The following KIF2A variants were observed in gnomAD, a reference collection of about 807,000 sequenced individuals.
The protein encoded by KIF2A is kinesin family member 2A, also known as kinesin-like protein KIF2A.
A neutral mutation model predicts 100.2 loss-of-function variants in KIF2A; 22 were observed. The observed-to-expected ratio is 0.22, with a 90% CI of 0.16 to 0.31. KIF2A has a LOEUF of 0.31. KIF2A is among the 10% of genes least tolerant of loss of function. KIF2A has a pLI of 1.00. For synonymous variants in KIF2A, 268 were observed against 285.9 expected, an observed-to-expected ratio of 0.94 and a Z score of 0.63; for missense variants, 495 against 898.7, an observed-to-expected ratio of 0.55 and a Z score of 5.74.
rs1330898340 is a variant in KIF2A, at chr5:62,363,336, A to C, written c.1262+16A>C. On this transcript the variant is annotated intron_variant, in intron 13 of 20. Coordinates refer to ENST00000407818, the MANE Select transcript of KIF2A (RefSeq NM_001098511.3). Reference sequence around the variant, plus strand: ...ACAGTTGCAGGTAAATCTCATTTTGATTAAGAAAGGAAACATCAGTTTTAG... The same window carrying C: ...ACAGTTGCAGGTAAATCTCATTTTGCTTAAGAAAGGAAACATCAGTTTTAG... The C allele has an allele frequency of 6.2e-7, 1 of 1,603,846 alleles. No homozygotes were observed.
chr5:62,355,209 C>T lies in KIF2A; in HGVS notation c.609C>T (p.Asp203=), dbSNP rs780954125. ...PNYEIMCMIR[D]FRGSLDYRPL... ...ATGAAATTATGTGTATGATCAGAGA[C>T]TTTAGAGGAAGTTTGGATTATAGAC... Residue 203 remains aspartate (D), a synonymous_variant, in exon 7 of 21, where the codon GAC becomes GAT. Transcript: ENST00000407818. 1.2e-6 allele frequency: 2 copies of T among 1,600,908 alleles called. No individual in the cohort carries two copies. The highest frequency in any genetic ancestry group is 2.7e-5 in the African/African-American group (2 of 74,542).
chr5:62,364,643 A>G (rs1369775373), intron 14 of KIF2A, among the ~76,000 whole-genome samples: 1 of 152,220 alleles, frequency 6.6e-6, no homozygotes, highest in Non-Finnish European at 1.5e-5. Flanking sequence ...TTGGAGTGCC[A>G]TGTTAAGAAA....
At chr5:62,354,133 T>A (rs1747985329) in intron 6 of KIF2A, among the ~76,000 whole-genome samples, 1 of 152,162 alleles carries the variant, frequency 6.6e-6, no homozygotes, top group Non-Finnish European at 1.5e-5. Flanking sequence ...CCTAGTATTA[T>A]ATCCAACCTG....
chr5:62,308,301 T>A (rs1426064175), intron 1 of KIF2A: 3 of 1,379,228 alleles, frequency 2.2e-6, no homozygotes, highest in East Asian at 5.2e-5. Flanking sequence ...TTAATGTCAT[T>A]TTTTTAGGTA....
chr5:62,357,127 A>C (rs1748151470), intron 7 of KIF2A, among the ~76,000 whole-genome samples: 2 of 150,826 alleles, frequency 1.3e-5, no homozygotes, highest in South Asian at 4.2e-4. Context: ...ACTGTCACCC[A>C]GGCTGGTGGG....
In KIF2A at chr5:62,355,200, G is replaced by T; in HGVS notation, c.600G>T (p.Met200Ile). 1 of 1,600,056 alleles carries T rather than the reference G, an allele frequency of 6.2e-7. No homozygotes were observed. Among genetic ancestry groups the T allele is most frequent in the South Asian group, 1.1e-5 (1 of 90,232 alleles). ...ATNPNYEIMC[M>I]IRDFRGSLDY... ...ACCCAAATTATGAAATTATGTGTATGATCAGAGACTTTAGAGGAAGTTTGG... is the reference window on the plus strand; with the variant it reads ...ACCCAAATTATGAAATTATGTGTATTATCAGAGACTTTAGAGGAAGTTTGG... Residue 200 changes from methionine to isoleucine, a missense_variant, in exon 7 of 21, where the codon ATG becomes ATT. Physicochemically the swap from Met to Ile is conservative, Grantham distance 10. Transcript: ENST00000407818.
chr5:62,355,230 T>C lies in KIF2A; in HGVS notation c.630T>C (p.Tyr210=), dbSNP rs775844064. 6.3e-7 allele frequency: 1 copy of C among 1,584,568 alleles called. No homozygotes were observed. The highest frequency in any genetic ancestry group is 1.7e-5 in the Admixed American group (1 of 59,596). ...GAGACTTTAGAGGAAGTTTGGATTA[T>C]AGACCATTAACAACAGCAGATCCTG... The part of the protein sequence containing the change: ...MIRDFRGSLD[Y]RPLTTADPID... The change falls in exon 7 of 21, where the codon TAT becomes TAC. Residue 210 remains tyrosine, a synonymous_variant. Coordinates refer to ENST00000407818, the MANE Select transcript of KIF2A (RefSeq NM_001098511.3).
rs1482998637 is a variant in KIF2A at position 62,388,468 on chromosome 5, G to GT, written c.*2900dup. The GT allele has an allele frequency of 6.6e-6, 1 of 152,664 alleles. No homozygotes were observed. Among genetic ancestry groups the GT allele is most frequent in the African/African-American group, 2.4e-5 (1 of 41,404 alleles). The allele number at this position is 152,664 out of a possible 1,614,324, so 9.5% of individuals were successfully genotyped here. A position where few individuals can be genotyped will look rare whatever the true frequency, so the allele number is the denominator to read the frequency against. On this transcript the variant is annotated 3_prime_UTR_variant, in exon 21 of 21. Coordinates refer to ENST00000407818, the MANE Select transcript of KIF2A (RefSeq NM_001098511.3). ...AGGATAGCGAAAGAGGTAGGCAATC[G>GT]TAACAGACACTGTATAGGATAAATA...
Position 62,381,211 on chromosome 5 carries a change from G to A in KIF2A, c.2107G>A (p.Ala703Thr). ...DVDSYATQLE[A>T]ILEQKIDILT... The stretch of plus-strand genomic sequence containing the variant: ...CGATTCATATGCTACACAACTTGAA[G>A]CTATTCTTGAGCAAAAAATAGACAT... Residue 703 changes from alanine to threonine, a missense_variant, in exon 20 of 21, where the codon GCT becomes ACT. Ala to Thr is a moderately conservative substitution (Grantham distance 58). This residue lies in a region of KIF2A where 58 missense variants were observed against 94.8 expected (regional missense o/e 0.61). Coordinates refer to ENST00000407818, the MANE Select transcript of KIF2A (RefSeq NM_001098511.3). 1 of 1,612,168 alleles carries A rather than the reference G, an allele frequency of 6.2e-7. No individual in the cohort carries two copies.
intron 14 of KIF2A, among the ~76,000 whole-genome samples, chr5:62,364,281 G>A (rs1284578638): frequency 6.6e-6 from 1 of 151,968 alleles, no homozygotes; most frequent in Non-Finnish European, 1.5e-5. Context: ...TCCAGGAGCT[G>A]GGATTACAGG....
chr5:62,366,802 G>T (rs1741093007), intron 16 of KIF2A, among the ~76,000 whole-genome samples: 1 of 150,558 alleles, frequency 6.6e-6, no homozygotes, highest in African/African-American at 2.5e-5. Flanking sequence ...CTGCACTCCA[G>T]CCTGGGCAAC....
rs754740008 is a variant in KIF2A at position 62,377,647 on chromosome 5, A to G, written c.1912-14A>G. ...CACACTATATCATAATTTCTTAACT[A>G]TTTTTATTTTAAGGAAGAAGAAGTC... On this transcript the variant is annotated splice_polypyrimidine_tract_variant and intron_variant, in intron 18 of 20. Coordinates refer to ENST00000407818, the MANE Select transcript of KIF2A (RefSeq NM_001098511.3). 7.1e-6 allele frequency: 10 copies of G among 1,414,016 alleles called. No individual in the cohort carries two copies. The highest frequency in any genetic ancestry group is 1.4e-5 in the African/African-American group (1 of 69,746). The allele number at this position is 1,414,016 out of a possible 1,614,324, so 87.6% of individuals were successfully genotyped here. A position where few individuals can be genotyped will look rare whatever the true frequency, so the allele number is the denominator to read the frequency against.
chr5:62,379,434 G>A (rs980305164), intron 19 of KIF2A, among the ~76,000 whole-genome samples: 3 of 152,154 alleles, frequency 2.0e-5, no homozygotes, highest in Admixed American at 1.3e-4. Flanking sequence ...AGGCCGAGAC[G>A]GGTGGATCAC....
intron 1 of KIF2A, among the ~76,000 whole-genome samples, chr5:62,334,795 C>T: frequency 6.6e-6 from 1 of 152,102 alleles, no homozygotes; most frequent in East Asian, 1.9e-4. Flanking sequence ...AGCCACACAC[C>T]CCAAAGTCTC....
chr5:62,372,986 C>A (rs1176880191), intron 17 of KIF2A, among the ~76,000 whole-genome samples: 2 of 151,674 alleles, frequency 1.3e-5, no homozygotes, highest in African/African-American at 2.4e-5. Flanking sequence ...CCTGTAATCC[C>A]AGCACTTTGG....
chr5:62,345,868 C>T (rs1016498536), intron 1 of KIF2A, among the ~76,000 whole-genome samples: 41 of 152,104 alleles, frequency 2.7e-4, no homozygotes, highest in Non-Finnish European at 5.3e-4. Flanking sequence ...TGCATAGTTT[C>T]TGTCTCTACT....
intron 19 of KIF2A, among the ~76,000 whole-genome samples, chr5:62,378,919 T>A (rs1741655966): frequency 6.6e-6 from 1 of 151,860 alleles, no homozygotes; most frequent in Admixed American, 6.6e-5. Context: ...AAACAAAAAC[T>A]CTAGAGTTTT....
rs1217499357 is a variant in KIF2A, at chr5:62,387,176, A to G, written c.*1607A>G. 1 of 152,224 alleles carries G rather than the reference A, an allele frequency of 6.6e-6. No individual in the cohort carries two copies. The highest frequency in any genetic ancestry group is 1.5e-5 in the Non-Finnish European group (1 of 68,034). The allele number at this position is 152,224 out of a possible 1,614,324, so 9.4% of individuals were successfully genotyped here. On this transcript the variant is annotated 3_prime_UTR_variant, in exon 21 of 21. Transcript: ENST00000407818. Reference sequence around the variant, plus strand: ...ATATGCTTATTAATAAATGAAGTCTATGGAATAAGTTTTAGAGATAATTTA... The same window carrying G: ...ATATGCTTATTAATAAATGAAGTCTGTGGAATAAGTTTTAGAGATAATTTA...
At chr5:62,367,559 G>A (rs1033671364) in intron 16 of KIF2A, among the ~76,000 whole-genome samples, 3 of 151,934 alleles carry the variant, frequency 2.0e-5, no homozygotes, top group African/African-American at 7.2e-5. Flanking sequence ...GAGCCACCCC[G>A]CCTGGCCCTT....
Sources: gnomAD v4.1 joint callset for allele counts (sites outside exome capture counted in the v4.1 genomes callset) on GRCh38, gnomAD v4.1.1 for gene constraint, gnomAD v4.1.1 regional missense constraint, MANE v1.5 for transcripts, NCBI Gene and HGNC (gene_info 2026-07-23, HGNC 2026-07-21) for gene names.